TRMT10B: variants seen among roughly 807,000 people sequenced by gnomAD.
TRMT10B encodes the protein tRNA methyltransferase 10 homolog B.
A neutral mutation model predicts 43.8 loss-of-function variants in TRMT10B; 33 were observed. That is an observed-to-expected ratio of 0.75 (90% CI 0.57 to 1.01). The LOEUF (loss-of-function observed/expected upper bound fraction) is 1.01, where lower values mean the gene tolerates loss of function less well. Ranked by LOEUF, TRMT10B falls within the 50% of genes least tolerant of loss-of-function variation. TRMT10B has a pLI of 0.00. For synonymous variants in TRMT10B, 137 were observed against 130.6 expected (o/e 1.05, Z -0.34); for missense variants, 362 against 369.8 (o/e 0.98, Z 0.17).
intron 1 of TRMT10B, among the ~76,000 whole-genome samples, chr9:37,756,369 C>T (rs78888013): frequency 0.011 from 1,679 of 151,708 alleles, 26 homozygotes; most frequent in African/African-American, 0.039. Flanking sequence ...GTTCATTCAT[C>T]TAAAAGAACT....
intron 1 of TRMT10B, among the ~76,000 whole-genome samples, chr9:37,760,431 G>A (rs919184679): frequency 8.5e-5 from 13 of 152,206 alleles, no homozygotes; most frequent in African/African-American, 2.9e-4. Flanking sequence ...AGGCTGAGGC[G>A]GGAGGATTGC....
At chr9:37,776,004 T>C (rs1033958379) in intron 7 of TRMT10B, among the ~76,000 whole-genome samples, 1 of 152,216 alleles carries the variant, frequency 6.6e-6, no homozygotes, top group African/African-American at 2.4e-5. Flanking sequence ...TGTGCTCTGA[T>C]TGATTAGACT....
intron 1 of TRMT10B, among the ~76,000 whole-genome samples, chr9:37,758,629 G>C (rs1825967328): frequency 6.6e-6 from 1 of 152,106 alleles, no homozygotes; most frequent in South Asian, 2.1e-4. Context: ...ACTATAACTT[G>C]AACAAGAAGT....
At position 37,774,278 on chromosome 9, in the gene TRMT10B, A is replaced by G. The variant is rs542969434; in HGVS notation, c.721-2004A>G. Among the ~76,000 whole-genome samples the G allele has an allele frequency of 3.0e-4, 46 of 152,316 alleles. 1 individual carries two copies. Among genetic ancestry groups the G allele is most frequent in the Admixed American group, 2.7e-3 (41 of 15,302 alleles). On this transcript the variant is annotated intron_variant, in intron 7 of 8. Coordinates refer to ENST00000297994, the MANE Select transcript of TRMT10B (RefSeq NM_144964.4). ...CACCCTCCCAAAGTGCTGAGATTGC[A>G]GGCATGAGCCACGGTGCCTGGCCAA...
intron 1 of TRMT10B, among the ~76,000 whole-genome samples, chr9:37,757,602 A>G (rs1301009720): frequency 2.0e-5 from 3 of 152,232 alleles, no homozygotes; most frequent in African/African-American, 7.2e-5. Flanking sequence ...CTTCAGGAAT[A>G]TATCTGGTGG....
chr9:37,768,175 A>G lies in TRMT10B; in HGVS notation c.520A>G (p.Ser174Gly). ...WICLTGFTTD[S>G]PLYEECVRMN... ...CTGCCTCACTGGATTCACAACAGAC[A>G]GTCCCCTTTATGAAGAGTGTGTGAG... Residue 174 changes from serine to glycine, a missense_variant, in exon 5 of 9, where the codon AGT becomes GGT. Coordinates refer to ENST00000297994, the MANE Select transcript of TRMT10B (RefSeq NM_144964.4). 1.2e-6 allele frequency: 2 copies of G among 1,614,222 alleles called. No individual in the cohort carries two copies. Among genetic ancestry groups the G allele is most frequent in the African/African-American group, 1.3e-5 (1 of 75,074 alleles).
upstream of TRMT10B, among the ~76,000 whole-genome samples, chr9:37,753,094 G>A (rs1157374823): frequency 2.0e-5 from 3 of 151,428 alleles, no homozygotes; most frequent in East Asian, 5.8e-4. Context: ...AACTCCAGGT[G>A]TGCCCTCTTA....
chr9:37,773,006 A>T (rs1827749483), intron 7 of TRMT10B, among the ~76,000 whole-genome samples: 1 of 152,258 alleles, frequency 6.6e-6, no homozygotes, highest in Admixed American at 6.5e-5. Context: ...CTTTGAAGTG[A>T]AAATGGTATT....
At chr9:37,758,909 G>A (rs1825997127) in intron 1 of TRMT10B, among the ~76,000 whole-genome samples, 1 of 152,186 alleles carries the variant, frequency 6.6e-6, no homozygotes, top group Admixed American at 6.5e-5. Flanking sequence ...GTGTCACTGG[G>A]TGGAGCAAAC....
In TRMT10B at chr9:37,762,634, A is replaced by G. The variant is rs369421738; in HGVS notation, c.244A>G (p.Lys82Glu). ...WEKIVAAKKS[K>E]RKQEKERRKA... ...AAAGATAGTTGCAGCAAAGAAGAGC[A>G]AAAGAAAGCAAGAAAAAGAACGAAG... Residue 82 changes from lysine (K) to glutamate (E), a missense_variant, in exon 3 of 9, where the codon AAA (lysine) becomes GAA (glutamate). Physicochemically the swap from Lys to Glu is moderately conservative, Grantham distance 56. Coordinates refer to ENST00000297994, the MANE Select transcript of TRMT10B (RefSeq NM_144964.4). 2.5e-6 allele frequency: 4 copies of G among 1,597,934 alleles called. No individual in the cohort carries two copies. In the African/African-American group the frequency reaches 4.0e-5, roughly 16 times the overall value.
intron 4 of TRMT10B, among the ~76,000 whole-genome samples, chr9:37,764,587 A>AT (rs1165498826): frequency 1.3e-5 from 2 of 150,830 alleles, no homozygotes; most frequent in Admixed American, 6.6e-5. Context: ...CACCCAGCTA[A>AT]TTTTTTTTCT....
intron 7 of TRMT10B, among the ~76,000 whole-genome samples, chr9:37,771,818 T>A (rs1827612342): frequency 1.3e-5 from 2 of 152,116 alleles, no homozygotes; most frequent in East Asian, 3.8e-4. Flanking sequence ...TCAAACTTAG[T>A]ATCACCCATA....
intron 4 of TRMT10B, among the ~76,000 whole-genome samples, chr9:37,765,048 G>A (rs116901733): frequency 0.015 from 2,208 of 152,152 alleles, 27 homozygotes; most frequent in Middle Eastern, 0.037. Context: ...GGGCTGGCAG[G>A]GAACCAAAAC....
Position 37,777,872 on chromosome 9 carries a change from G to A in TRMT10B, c.*165G>A. 1 of 521,434 alleles carries A rather than the reference G, an allele frequency of 1.9e-6. No homozygotes were observed. The highest frequency in any genetic ancestry group is 3.5e-6 in the Non-Finnish European group (1 of 288,220). The allele number at this position is 521,434 out of a possible 1,614,324, so 32.3% of individuals were successfully genotyped here. On this transcript the variant is annotated 3_prime_UTR_variant, in exon 9 of 9. Transcript: ENST00000297994. The stretch of plus-strand genomic sequence containing the variant: ...ATACAAAAATTAGCCAGGTGTGGTG[G>A]CGCATACCTGTAGTCCCAGCTACTT...
At chr9:37,763,222 A>G (rs779257309) in intron 3 of TRMT10B, among the ~76,000 whole-genome samples, 6 of 151,466 alleles carry the variant, frequency 4.0e-5, no homozygotes, top group Admixed American at 6.6e-5. Flanking sequence ...TAACGTGTTT[A>G]TAAGCTCAGA....
At chr9:37,764,290 A>G (rs1826739193) in intron 4 of TRMT10B, among the ~76,000 whole-genome samples, 1 of 150,556 alleles carries the variant, frequency 6.6e-6, no homozygotes, top group South Asian at 2.1e-4. Flanking sequence ...CTGGGATTAC[A>G]GGCGTCTGCC....
At chr9:37,755,911 T>C (rs888640060) in intron 1 of TRMT10B, among the ~76,000 whole-genome samples, 2 of 152,218 alleles carry the variant, frequency 1.3e-5, no homozygotes, top group African/African-American at 4.8e-5. Flanking sequence ...TAAGCCCTCC[T>C]ACAAAGGAAT....
intron 7 of TRMT10B, among the ~76,000 whole-genome samples, chr9:37,773,525 G>A (rs952067703): frequency 1.3e-5 from 2 of 152,178 alleles, no homozygotes; most frequent in African/African-American, 4.8e-5. Context: ...CTTTTCTTAG[G>A]TTTGAAATAC....
intron 1 of TRMT10B, among the ~76,000 whole-genome samples, chr9:37,754,801 A>G (rs1825435651): frequency 6.6e-6 from 1 of 152,208 alleles, no homozygotes; most frequent in African/African-American, 2.4e-5. Context: ...CTCAGAAAAG[A>G]TGTTTAATGA....
Sources: gnomAD v4.1 joint callset for allele counts (sites outside exome capture counted in the v4.1 genomes callset) on GRCh38, gnomAD v4.1.1 for gene constraint, MANE v1.5 for transcripts, NCBI Gene and HGNC (gene_info 2026-07-23, HGNC 2026-07-21) for gene names.